SCARA5: variants seen among roughly 807,000 people sequenced by gnomAD.
SCARA5 encodes the protein scavenger receptor class A, member 5 (putative).
SCARA5 carries 45 observed loss-of-function variants against 46.3 expected under a neutral mutation model. The observed-to-expected ratio is 0.97, with a 90% CI of 0.76 to 1.24. SCARA5 has a LOEUF of 1.24. Among genes scored for constraint, SCARA5 ranks in the 50% most tolerant of loss-of-function variants. The probability of loss-of-function intolerance (pLI) is 0.00; values close to 1 mark genes in which losing one functional copy is unlikely to be tolerated. For synonymous variants in SCARA5, 333 were observed against 306.5 expected (o/e 1.09, Z -0.90); for missense variants, 680 against 689.0 (o/e 0.99, Z 0.15).
intron 3 of SCARA5, among the ~76,000 whole-genome samples, chr8:27,926,352 A>T (rs920931684): frequency 6.6e-6 from 1 of 152,220 alleles, no homozygotes; most frequent in African/African-American, 2.4e-5. Flanking sequence ...CAAGGACAGA[A>T]AACCAAACAC....
intron 2 of SCARA5, among the ~76,000 whole-genome samples, chr8:27,973,876 G>T (rs1336500770): frequency 1.3e-5 from 2 of 152,258 alleles, no homozygotes; most frequent in East Asian, 3.8e-4. Flanking sequence ...TCGAAAATGG[G>T]GTTGTATCAA....
intron 3 of SCARA5, among the ~76,000 whole-genome samples, chr8:27,930,013 A>G (rs1807743911): frequency 6.6e-6 from 1 of 152,082 alleles, no homozygotes; most frequent in African/African-American, 2.4e-5. Context: ...CAAATTGCCA[A>G]ATGCCCTACA....
At chr8:27,936,641 G>C (rs981495814) in intron 3 of SCARA5, among the ~76,000 whole-genome samples, 3 of 134,192 alleles carry the variant, frequency 2.2e-5, no homozygotes, top group Non-Finnish European at 4.7e-5. Flanking sequence ...CTGGAATGGT[G>C]GATTGGCTGC....
In SCARA5 at chr8:27,909,712, A is replaced by C; in HGVS notation, c.948T>G (p.Asp316Glu). The C allele has an allele frequency of 6.4e-7, 1 of 1,551,206 alleles. No homozygotes were observed. Among genetic ancestry groups the C allele is most frequent in the African/African-American group, 1.4e-5 (1 of 73,026 alleles). The change falls in exon 5 of 9, where the codon GAT becomes GAG. Residue 316 changes from aspartate to glutamate, a missense_variant. Asp to Glu is a conservative substitution (Grantham distance 45, BLOSUM62 2). This residue lies in a region of SCARA5 where 219 missense variants were observed against 269.5 expected (regional missense o/e 0.81). Coordinates refer to ENST00000354914, the MANE Select transcript of SCARA5 (RefSeq NM_173833.6). Reference sequence around the variant, plus strand: ...TGCCAGGCCTGCCTTCCTTTCCTTCATCCCCCTGATCACCTTTGGGTCCCG... The same window carrying C: ...TGCCAGGCCTGCCTTCCTTTCCTTCCTCCCCCTGATCACCTTTGGGTCCCG... ...GPPGPKGDQG[D>E]EGKEGRPGIP...
chr8:27,972,553 A>C (rs1472728201), intron 2 of SCARA5, among the ~76,000 whole-genome samples: 1 of 152,028 alleles, frequency 6.6e-6, no homozygotes, highest in African/African-American at 2.4e-5. Context: ...AGAAAAACCA[A>C]ATTTTAGATG....
intron 7 of SCARA5, chr8:27,903,670 T>C (rs1807197482): frequency 6.6e-6 from 1 of 152,482 alleles, no homozygotes; most frequent in Non-Finnish European, 1.5e-5. Context: ...GGCTAATTAT[T>C]AGTGGTGCTG....
At chr8:27,939,489 G>A (rs1807908344) in intron 3 of SCARA5, among the ~76,000 whole-genome samples, 1 of 152,180 alleles carries the variant, frequency 6.6e-6, no homozygotes, top group African/African-American at 2.4e-5. Flanking sequence ...CCACAGATGT[G>A]TACTGCCAGT....
At chr8:27,882,564 C>G (rs1318909557) in intron 7 of SCARA5, among the ~76,000 whole-genome samples, 1 of 152,134 alleles carries the variant, frequency 6.6e-6, no homozygotes, top group Non-Finnish European at 1.5e-5. Context: ...GTGTCTCAGC[C>G]CTGATTTGGT....
In SCARA5 at chr8:27,921,733, C is replaced by G. The variant is rs1276565609; in HGVS notation, c.754G>C (p.Val252Leu). Residue 252 changes from valine to leucine, a missense_variant, in exon 4 of 9, where the codon GTG becomes CTG. By Grantham distance (32) the Val-to-Leu change is conservative. Coordinates refer to ENST00000354914, the MANE Select transcript of SCARA5 (RefSeq NM_173833.6). ...RTRLQDLRVL[V>L]SNASEDTRRL... ...CGCGTGTCCTCGCTGGCGTTGCTCA[C>G]CAGCACCCGCAGGTCCTGCAGCCGC... 1.0e-5 allele frequency: 16 copies of G among 1,590,332 alleles called. No individual in the cohort carries two copies. The highest frequency in any genetic ancestry group is 1.4e-5 in the Non-Finnish European group (16 of 1,170,620).
At chr8:27,976,261 C>T (rs972363848) in intron 2 of SCARA5, among the ~76,000 whole-genome samples, 2 of 152,026 alleles carry the variant, frequency 1.3e-5, no homozygotes, top group Admixed American at 6.6e-5. Flanking sequence ...GTGAAAGATG[C>T]CATTATTCAC....
chr8:27,946,641 C>A (rs1051599727), intron 3 of SCARA5, among the ~76,000 whole-genome samples: 27 of 152,186 alleles, frequency 1.8e-4, no homozygotes, highest in African/African-American at 6.5e-4. Flanking sequence ...ACCCAGCCAG[C>A]CAGGGCTAAT....
chr8:27,917,075 C>T (rs1043424637), intron 4 of SCARA5, among the ~76,000 whole-genome samples: 4 of 152,166 alleles, frequency 2.6e-5, no homozygotes, highest in South Asian at 2.1e-4. Flanking sequence ...ACTCTGCTGG[C>T]CCCTGGATTT....
chr8:27,954,353 T>C (rs1808176068), intron 3 of SCARA5, among the ~76,000 whole-genome samples: 2 of 152,140 alleles, frequency 1.3e-5, no homozygotes, highest in Admixed American at 1.3e-4. Context: ...ATTGAGAGAA[T>C]GTGTACCAGT....
intron 3 of SCARA5, among the ~76,000 whole-genome samples, chr8:27,936,434 C>T (rs894114931): frequency 2.0e-5 from 3 of 151,338 alleles, no homozygotes; most frequent in Non-Finnish European, 2.9e-5. Context: ...ACTAAAAATA[C>T]AAAAATTAGC....
chr8:27,921,129 A>G (rs1488219412), intron 4 of SCARA5, among the ~76,000 whole-genome samples: 1 of 152,246 alleles, frequency 6.6e-6, no homozygotes, highest in Non-Finnish European at 1.5e-5. Context: ...CAAGTTTGGA[A>G]TTCTCTAACT....
At chr8:27,964,542 C>CT (rs1366157052) in intron 3 of SCARA5, among the ~76,000 whole-genome samples, 3 of 152,256 alleles carry the variant, frequency 2.0e-5, no homozygotes, top group East Asian at 1.9e-4. Context: ...AGGAGAAAGC[C>CT]TTTTTTTCAT....
At chr8:27,905,160 C>CT (rs1196066073) in intron 6 of SCARA5, among the ~76,000 whole-genome samples, 1 of 151,910 alleles carries the variant, frequency 6.6e-6, no homozygotes, top group East Asian at 1.9e-4. Flanking sequence ...CAAGTTTGTT[C>CT]TAATGAGCCC....
chr8:27,970,679 C>T (rs1478449902), intron 2 of SCARA5, among the ~76,000 whole-genome samples: 2 of 152,172 alleles, frequency 1.3e-5, no homozygotes, highest in Non-Finnish European at 2.9e-5. Context: ...ATAAAAGTTA[C>T]TAACACCACC....
rs1563507997 is a variant in SCARA5 at position 27,871,982 on chromosome 8, T to C, written c.1440A>G (p.Thr480=). The C allele has an allele frequency of 3.1e-6, 5 of 1,614,252 alleles. No individual in the cohort carries two copies. In the East Asian group the frequency reaches 1.1e-4, roughly 36 times the overall value. ...TGGCATCTTCGGCATGTCCACAGTT[T>C]GTCACCCCCCATTTGGAGAAGCTGC... ...FRCSFSKWGV[T]NCGHAEDASV... Residue 480 remains threonine, a synonymous_variant, in exon 9 of 9, where the codon ACA becomes ACG. Coordinates refer to ENST00000354914, the MANE Select transcript of SCARA5 (RefSeq NM_173833.6).
Sources: allele counts gnomAD v4.1 joint callset (sites outside exome capture counted in the v4.1 genomes callset), GRCh38; gene constraint gnomAD v4.1.1; regional missense constraint gnomAD v4.1.1; transcripts MANE v1.5; gene names NCBI Gene and HGNC (gene_info 2026-07-23, HGNC 2026-07-21).